GRHL2: variants seen among roughly 807,000 people sequenced by gnomAD.
The protein encoded by GRHL2 is grainyhead like transcription factor 2.
A neutral mutation model predicts 83.8 loss-of-function variants in GRHL2; 21 were observed. The observed-to-expected ratio is 0.25, with a 90% CI of 0.18 to 0.36. The LOEUF (loss-of-function observed/expected upper bound fraction) is 0.36, where lower values mean the gene tolerates loss of function less well. Ranked by LOEUF, GRHL2 falls within the 10% of genes least tolerant of loss-of-function variation. The pLI is 1.00. For synonymous variants in GRHL2, 280 were observed against 278.9 expected, an observed-to-expected ratio of 1.00 and a Z score of -0.04; for missense variants, 623 against 781.8, an observed-to-expected ratio of 0.80 and a Z score of 2.42.
intron 4 of GRHL2, among the ~76,000 whole-genome samples, chr8:101,559,865 C>T (rs758380129): frequency 1.2e-4 from 18 of 152,132 alleles, no homozygotes; most frequent in Non-Finnish European, 2.5e-4. Context: ...TTGCATTTGG[C>T]GAGCGTGGAT....
intron 8 of GRHL2, among the ~76,000 whole-genome samples, chr8:101,609,373 A>G (rs1396462282): frequency 1.3e-5 from 2 of 150,940 alleles, no homozygotes; most frequent in Non-Finnish European, 2.9e-5. Context: ...GGTCCACTGA[A>G]TTAGAAACTC....
intron 1 of GRHL2, among the ~76,000 whole-genome samples, chr8:101,525,080 T>A (rs1810777790): frequency 6.6e-6 from 1 of 152,208 alleles, no homozygotes; most frequent in Admixed American, 6.5e-5. Flanking sequence ...GTAGCTGGGA[T>A]TACAGGCACT....
chr8:101,631,787 G>C, intron 10 of GRHL2, 63 bp downstream of exon 10: 2 of 1,325,872 alleles, frequency 1.5e-6, no homozygotes, highest in Non-Finnish European at 2.2e-6. Context: ...TCCACTGGGG[G>C]AACAGGTGGA....
At chr8:101,500,455 G>C (rs1806349101) in intron 1 of GRHL2, among the ~76,000 whole-genome samples, 1 of 152,166 alleles carries the variant, frequency 6.6e-6, no homozygotes, top group Non-Finnish European at 1.5e-5. Context: ...TATGTTGTAA[G>C]TTTCTTATAA....
In GRHL2 at chr8:101,597,536, T is replaced by C. The variant is rs189215544; in HGVS notation, c.1004-1521T>C. On this transcript the variant is annotated intron_variant, in intron 7 of 15. Transcript: ENST00000646743. ...TGAGTTCATGTCCTTTGTAGGGACA[T>C]GGATGAAGCTGGAAACCATCATTCT... Among the ~76,000 whole-genome samples, 9 of 152,264 alleles carry C rather than the reference T, an allele frequency of 5.9e-5. No homozygotes were observed. The East Asian group carries it at 1.5e-3, about 26-fold the overall frequency.
chr8:101,678,829 T>A, the GRHL2 span, among the ~76,000 whole-genome samples: 1 of 146,218 alleles, frequency 6.8e-6, no homozygotes, highest in African/African-American at 2.6e-5. Context: ...ACACCTCACA[T>A]GGCAGGGTAT....
chr8:101,655,182 CTA>C (rs760369177), intron 14 of GRHL2, among the ~76,000 whole-genome samples: 8 of 99,100 alleles, frequency 8.1e-5, no homozygotes, highest in Admixed American at 1.9e-4. Context: ...AACTCCAATC[CTA>C]AAAAAAAAAA....
intron 6 of GRHL2, 100 bp downstream of exon 6, chr8:101,573,924 C>T (rs1811879947): frequency 7.6e-7 from 1 of 1,314,900 alleles, no homozygotes; most frequent in African/African-American, 1.4e-5. Flanking sequence ...ATAAAACCTT[C>T]AACATAAATA....
At chr8:101,537,649 A>G (rs1008478783) in intron 1 of GRHL2, among the ~76,000 whole-genome samples, 1 of 152,192 alleles carries the variant, frequency 6.6e-6, no homozygotes, top group Non-Finnish European at 1.5e-5. Context: ...AAATATCATG[A>G]TACAGAGGAA....
rs758125427 is a variant in GRHL2 at position 101,573,682 on chromosome 8, A to G, written c.749A>G (p.Tyr250Cys). 1.9e-6 allele frequency: 3 copies of G among 1,614,188 alleles called. No individual in the cohort carries two copies. In the South Asian group the frequency reaches 3.3e-5, roughly 18 times the overall value. ...TTCTTTCACAGTGGCACATTTCAGT[A>G]CACCCTGGAAGCCACCAAATCTCTC... ...YDQTSSGTFQ[Y>C]TLEATKSLRQ... Residue 250 changes from tyrosine to cysteine, a missense_variant, in exon 6 of 16, where the codon TAC becomes TGC. This residue lies in a region of GRHL2 where 239 missense variants were observed against 240.5 expected (regional missense o/e 0.99). Coordinates refer to ENST00000646743, the MANE Select transcript of GRHL2 (RefSeq NM_024915.4).
intron 2 of GRHL2, among the ~76,000 whole-genome samples, chr8:101,544,518 CTCCT>C (rs1196697035): frequency 6.6e-6 from 1 of 152,174 alleles, no homozygotes; most frequent in Non-Finnish European, 1.5e-5. Context: ...GTATGACCTG[CTCCT>C]TTTGAATTAT....
At chr8:101,675,765 C>T in the GRHL2 span, among the ~76,000 whole-genome samples, 40 of 152,132 alleles carry the variant, frequency 2.6e-4, no homozygotes, top group African/African-American at 9.2e-4. Flanking sequence ...AATCCTAAGC[C>T]GAAAGAACAA....
chr8:101,536,663 C>A (rs1811051544), intron 1 of GRHL2, among the ~76,000 whole-genome samples: 1 of 152,126 alleles, frequency 6.6e-6, no homozygotes, highest in African/African-American at 2.4e-5. Context: ...TAAGGTTCAG[C>A]CTTGAGTGAC....
chr8:101,522,070 C>T lies in GRHL2; in HGVS notation c.21-21171C>T, dbSNP rs75321059. 5.6e-3 allele frequency among the ~76,000 whole-genome samples: 854 copies of T among 152,158 alleles called. 13 individuals are homozygous for T. Among genetic ancestry groups the T allele is most frequent in the African/African-American group, 0.019 (809 of 41,506 alleles). ...TTGGTTTTGTCCTCATGGAAGAGTG[C>T]TTATATGTTTGCAAAGCACTAAAGA... On this transcript the variant is annotated intron_variant, in intron 1 of 15. Transcript: ENST00000646743.
intron 11 of GRHL2, 62 bp downstream of exon 11, chr8:101,632,427 T>C (rs1353495312): frequency 1.4e-5 from 22 of 1,594,850 alleles, no homozygotes; most frequent in Middle Eastern, 1.7e-4. Context: ...GGCTTTAAGA[T>C]AGAAGCATTT....
intron 14 of GRHL2, among the ~76,000 whole-genome samples, chr8:101,661,513 C>T (rs543211447): frequency 6.6e-6 from 1 of 152,284 alleles, no homozygotes; most frequent in African/African-American, 2.4e-5. Context: ...TTTAAATAAT[C>T]TCTAGATTAC....
At chr8:101,582,910 T>A (rs1812086766) in intron 7 of GRHL2, among the ~76,000 whole-genome samples, 1 of 152,182 alleles carries the variant, frequency 6.6e-6, no homozygotes, top group Non-Finnish European at 1.5e-5. Flanking sequence ...ATATCTTGTT[T>A]AGCCATGTTT....
chr8:101,531,809 C>T (rs994192330), intron 1 of GRHL2, among the ~76,000 whole-genome samples: 2 of 151,766 alleles, frequency 1.3e-5, no homozygotes, highest in Non-Finnish European at 2.9e-5. Flanking sequence ...CTGGGGCTCC[C>T]GAGAGGGGGT....
At chr8:101,609,441 C>T (rs1033888095) in intron 8 of GRHL2, among the ~76,000 whole-genome samples, 4 of 150,978 alleles carry the variant, frequency 2.6e-5, no homozygotes, top group South Asian at 2.1e-4. Context: ...TTCTGATGCA[C>T]GCTAAATTAG....
Sources: gnomAD v4.1 joint callset for allele counts (sites outside exome capture counted in the v4.1 genomes callset) on GRCh38, gnomAD v4.1.1 for gene constraint, gnomAD v4.1.1 regional missense constraint, MANE v1.5 for transcripts, NCBI Gene and HGNC (gene_info 2026-07-23, HGNC 2026-07-21) for gene names.